The following RAD21 variants were observed in gnomAD, a reference collection of about 807,000 sequenced individuals.
RAD21 encodes double-strand-break repair protein rad21 homolog.
A neutral mutation model predicts 71.5 loss-of-function variants in RAD21; 18 were observed. The ratio of observed to expected loss-of-function variants is 0.25; its 90% CI spans 0.17 to 0.37. RAD21 has a LOEUF of 0.37. Among genes scored for constraint, RAD21 ranks in the 10% least tolerant of loss-of-function variants. The pLI is 1.00. For synonymous variants in RAD21, 248 were observed against 254.0 expected, an observed-to-expected ratio of 0.98 and a Z score of 0.22; for missense variants, 493 against 769.1, an observed-to-expected ratio of 0.64 and a Z score of 4.25.
chr8:116,860,380 G>A (rs1385042772), intron 4 of RAD21, among the ~76,000 whole-genome samples: 1 of 152,064 alleles, frequency 6.6e-6, no homozygotes, highest in Non-Finnish European at 1.5e-5. Context: ...AACGCTATCG[G>A]GTAGCATTGT....
chr8:116,864,835 G>GTTT (rs916979764), intron 2 of RAD21, among the ~76,000 whole-genome samples: 2 of 152,090 alleles, frequency 1.3e-5, no homozygotes, highest in African/African-American at 4.8e-5. Flanking sequence ...GAGCTAGTGT[G>GTTT]TGTTAAAGTG....
At chr8:116,861,771 A>G (rs1295659389) in intron 4 of RAD21, 70 bp downstream of exon 4, 4 of 1,089,138 alleles carry the variant, frequency 3.7e-6, no homozygotes, top group Non-Finnish European at 5.5e-6. Context: ...GGAAAACTAT[A>G]CATTTGGAAG....
At position 116,846,631 on chromosome 8, in the gene RAD21, C is replaced by G; in HGVS notation, c.*869G>C. The G allele has an allele frequency of 4.4e-6, 1 of 227,228 alleles. No individual in the cohort carries two copies. The highest frequency in any genetic ancestry group is 6.4e-5 in the East Asian group (1 of 15,724). The allele number at this position is 227,228 out of a possible 1,614,324, so 14.1% of individuals were successfully genotyped here. ...GCTAAGTTGACCAGGTGCATAATTT[C>G]CCATCAGTCTGTCCTTGTAGTAGGC... On this transcript the variant is annotated 3_prime_UTR_variant, in exon 14 of 14. Coordinates refer to ENST00000297338, the MANE Select transcript of RAD21 (RefSeq NM_006265.3).
intron 3 of RAD21, 101 bp downstream of exon 3, chr8:116,863,029 G>C: frequency 7.2e-7 from 1 of 1,395,428 alleles, no homozygotes; most frequent in South Asian, 1.5e-5. Flanking sequence ...TTAAAACAAA[G>C]CATGTAGATT....
intron 1 of RAD21, among the ~76,000 whole-genome samples, chr8:116,872,088 T>C (rs1444166436): frequency 6.6e-6 from 1 of 152,054 alleles, no homozygotes; most frequent in Non-Finnish European, 1.5e-5. Context: ...AAAAACACAA[T>C]AATAAAAAAT....
At chr8:116,849,676 G>C (rs997547488) in intron 12 of RAD21, among the ~76,000 whole-genome samples, 1 of 152,108 alleles carries the variant, frequency 6.6e-6, no homozygotes, top group Non-Finnish European at 1.5e-5. Flanking sequence ...CCAGGCTATG[G>C]TGAAACTATA....
chr8:116,864,527 T>TGATCAAATTG (rs373361416), intron 2 of RAD21, among the ~76,000 whole-genome samples: 3 of 151,892 alleles, frequency 2.0e-5, no homozygotes, highest in African/African-American at 4.8e-5. Flanking sequence ...ATACCAAATT[T>TGATCAAATTG]GTGATCAAAT....
At chr8:116,861,815 A>C in intron 4 of RAD21, 26 bp downstream of exon 4, 3 of 1,563,138 alleles carry the variant, frequency 1.9e-6, no homozygotes, top group Non-Finnish European at 2.6e-6. Flanking sequence ...CCAAGTCAAC[A>C]ATTTTTTTTA....
intron 2 of RAD21, among the ~76,000 whole-genome samples, chr8:116,865,203 G>A (rs1812665398): frequency 6.6e-6 from 1 of 152,030 alleles, no homozygotes; most frequent in Non-Finnish European, 1.5e-5. Flanking sequence ...TGAACTGTCT[G>A]CTTTCCTTTG....
intron 2 of RAD21, among the ~76,000 whole-genome samples, chr8:116,863,514 G>A (rs1286395036): frequency 2.6e-5 from 4 of 152,192 alleles, no homozygotes; most frequent in South Asian, 2.1e-4. Context: ...TAAGGAGCAC[G>A]TAACACTTTT....
chr8:116,853,920 T>C lies in RAD21; in HGVS notation c.1161+325A>G, dbSNP rs1436516147. Reference sequence around the variant, plus strand: ...AAAAAGGAGAACCACTCATGTTTCATTCAGAAAACATTTCAAGAATTCAGA... The same window carrying C: ...AAAAAGGAGAACCACTCATGTTTCACTCAGAAAACATTTCAAGAATTCAGA... On this transcript the variant is annotated intron_variant, in intron 9 of 13. Transcript: ENST00000297338. 6.6e-6 allele frequency among the ~76,000 whole-genome samples: 1 copy of C among 152,210 alleles called. No individual in the cohort carries two copies. Among genetic ancestry groups the C allele is most frequent in the Admixed American group, 6.5e-5 (1 of 15,282 alleles).
intron 13 of RAD21, among the ~76,000 whole-genome samples, chr8:116,848,376 C>T (rs1242705068): frequency 2.0e-5 from 3 of 152,130 alleles, no homozygotes; most frequent in Non-Finnish European, 4.4e-5. Context: ...TTTCTTTAGA[C>T]AGCTAATGTA....
At position 116,857,221 on chromosome 8, in the gene RAD21, A is replaced by G. The variant is rs16888927; in HGVS notation, c.688+46T>C. The G allele has an allele frequency of 0.28, 428,241 of 1,525,326 alleles. 64,948 individuals are homozygous for G. Among genetic ancestry groups the G allele is most frequent in the South Asian group, 0.47 (40,805 of 86,066 alleles). The allele number at this position is 1,525,326 out of a possible 1,614,324, so 94.5% of individuals were successfully genotyped here. ...ACTGTTTCCAAAACTTTACAACTTA[A>G]TAAAGAAATTCTGTTTATGCTGGAA... On this transcript the variant is annotated intron_variant, in intron 6 of 13. Coordinates refer to ENST00000297338, the MANE Select transcript of RAD21 (RefSeq NM_006265.3).
chr8:116,874,443 C>T lies in RAD21; in HGVS notation c.-33+168G>A. The T allele has an allele frequency of 1.4e-5, 3 of 207,028 alleles. No individual in the cohort carries two copies. In the South Asian group the frequency reaches 2.0e-4, roughly 14 times the overall value. The allele number at this position is 207,028 out of a possible 1,614,324, so 12.8% of individuals were successfully genotyped here. ...GGGGCGAAGGGGGCTGGGCGGGTGGCGCCGCCGCTTGGGCGCCGGGAGGGT... is the reference window on the plus strand; with the variant it reads ...GGGGCGAAGGGGGCTGGGCGGGTGGTGCCGCCGCTTGGGCGCCGGGAGGGT... On this transcript the variant is annotated intron_variant, in intron 1 of 13. Transcript: ENST00000297338.
chr8:116,855,729 C>CT (rs1047808705), intron 8 of RAD21, among the ~76,000 whole-genome samples: 1 of 151,686 alleles, frequency 6.6e-6, no homozygotes, highest in African/African-American at 2.4e-5. Flanking sequence ...AAAAAGAATA[C>CT]TTTTAGTTTT....
chr8:116,868,809 ATTTT>A (rs35540220), intron 1 of RAD21, among the ~76,000 whole-genome samples: 2 of 144,746 alleles, frequency 1.4e-5, no homozygotes, highest in African/African-American at 2.5e-5. Context: ...AGTTCAACTA[ATTTT>A]TTTTTTTTTT....
intron 1 of RAD21, chr8:116,874,318 T>A (rs2130500632): frequency 6.5e-6 from 1 of 153,384 alleles, no homozygotes; most frequent in East Asian, 1.9e-4. Flanking sequence ...ACCTGCAGGG[T>A]AACAGCCTTT....
In RAD21 at chr8:116,850,547, C is replaced by A. The variant is rs982096678; in HGVS notation, c.1620+71G>T. The stretch of plus-strand genomic sequence containing the variant: ...TGATGCTCAGCATCAATTAAGTTAG[C>A]CCCAATATGAAAAATAAAGCTGGTT... On this transcript the variant is annotated intron_variant, in intron 12 of 13. Transcript: ENST00000297338. The A allele has an allele frequency of 1.7e-5, 26 of 1,566,400 alleles. No homozygotes were observed. In the South Asian group the frequency reaches 3.0e-4, roughly 18 times the overall value.
At chr8:116,862,829 T>C (rs566977073) in intron 3 of RAD21, among the ~76,000 whole-genome samples, 1 of 152,136 alleles carries the variant, frequency 6.6e-6, no homozygotes, top group African/African-American at 2.4e-5. Flanking sequence ...GTTTCCAACA[T>C]TTTAACCTCT....
Sources: gnomAD v4.1 joint callset for allele counts (sites outside exome capture counted in the v4.1 genomes callset) on GRCh38, gnomAD v4.1.1 for gene constraint, MANE v1.5 for transcripts, NCBI Gene and HGNC (gene_info 2026-07-23, HGNC 2026-07-21) for gene names.